ZNF385D: variants seen among roughly 807,000 people sequenced by gnomAD.
The protein encoded by ZNF385D is zinc finger protein 659.
In ZNF385D, 15 loss-of-function variants were observed where a neutral mutation model predicts 35.8. The observed-to-expected ratio is 0.42, with a 90% CI of 0.28 to 0.64. The LOEUF is 0.64. Ranked by LOEUF, ZNF385D falls within the 30% of genes least tolerant of loss-of-function variation. The pLI is 0.23. For synonymous variants in ZNF385D, 212 were observed against 186.8 expected, an observed-to-expected ratio of 1.13 and a Z score of -1.10; for missense variants, 474 against 494.6, an observed-to-expected ratio of 0.96 and a Z score of 0.39.
intron 4 of ZNF385D, among the ~76,000 whole-genome samples, chr3:21,507,416 A>G (rs538421111): frequency 1.3e-5 from 2 of 152,316 alleles, no homozygotes; most frequent in South Asian, 4.1e-4. Flanking sequence ...TTGATAAATT[A>G]CTAAAATGTG....
intron 2 of ZNF385D, among the ~76,000 whole-genome samples, chr3:21,590,100 C>A (rs923568352): frequency 6.6e-6 from 1 of 152,102 alleles, no homozygotes; most frequent in African/African-American, 2.4e-5. Context: ...ATCCAGATAT[C>A]CATCTACAGT....
At chr3:22,092,794 C>A (rs1017992558) in intron 3 of ZNF385D, among the ~76,000 whole-genome samples, 2 of 151,976 alleles carry the variant, frequency 1.3e-5, no homozygotes, top group African/African-American at 2.4e-5. Context: ...GACTGATATA[C>A]CTCTTACAGT....
intron 3 of ZNF385D, among the ~76,000 whole-genome samples, chr3:22,045,626 C>G (rs1315417183): frequency 2.0e-5 from 3 of 152,178 alleles, no homozygotes; most frequent in Non-Finnish European, 4.4e-5. Flanking sequence ...GTGGGTTTTA[C>G]TCTCATTTCT....
chr3:22,326,697 G>A (rs1209852722), intron 2 of ZNF385D, among the ~76,000 whole-genome samples: 2 of 152,134 alleles, frequency 1.3e-5, no homozygotes, highest in Admixed American at 6.5e-5. Flanking sequence ...GAACATTTCT[G>A]TTTTAAAACA....
intron 3 of ZNF385D, among the ~76,000 whole-genome samples, chr3:21,889,599 A>T (rs902684442): frequency 6.6e-6 from 1 of 152,158 alleles, no homozygotes; most frequent in Non-Finnish European, 1.5e-5. Context: ...TTCAGAAAAA[A>T]AACTGGGGAG....
chr3:21,640,892 G>T (rs1333185893), intron 2 of ZNF385D, among the ~76,000 whole-genome samples: 1 of 152,110 alleles, frequency 6.6e-6, no homozygotes, highest in Non-Finnish European at 1.5e-5. Flanking sequence ...AATGTTTTGT[G>T]AATGTATTCT....
At chr3:21,875,632 T>C (rs1697924330) in intron 3 of ZNF385D, among the ~76,000 whole-genome samples, 1 of 152,140 alleles carries the variant, frequency 6.6e-6, no homozygotes, top group Non-Finnish European at 1.5e-5. Flanking sequence ...GAGTCTCATC[T>C]TTCCTTTGCT....
intron 3 of ZNF385D, among the ~76,000 whole-genome samples, chr3:21,943,274 ATGTG>A (rs147366894): frequency 0.015 from 2,318 of 149,892 alleles, 175 homozygotes; most frequent in Admixed American, 0.12. Context: ...CTATATTTGA[ATGTG>A]TGTGTGTGTG....
At chr3:22,045,028 G>T (rs1444429860) in intron 3 of ZNF385D, among the ~76,000 whole-genome samples, 2 of 151,942 alleles carry the variant, frequency 1.3e-5, no homozygotes, top group African/African-American at 4.8e-5. Flanking sequence ...AAACAAAAAT[G>T]CTGTTAATTT....
chr3:21,913,126 G>C (rs1328376140), intron 3 of ZNF385D, among the ~76,000 whole-genome samples: 1 of 152,072 alleles, frequency 6.6e-6, no homozygotes, highest in Non-Finnish European at 1.5e-5. Context: ...GAGATGGAAT[G>C]TTCCTCTAAA....
intron 2 of ZNF385D, among the ~76,000 whole-genome samples, chr3:21,621,436 C>T (rs762161465): frequency 1.4e-4 from 22 of 151,806 alleles, no homozygotes; most frequent in African/African-American, 3.1e-4. Context: ...AAACATAAAG[C>T]GGAGTCATTA....
At chr3:21,869,072 G>T (rs141969541) in intron 3 of ZNF385D, among the ~76,000 whole-genome samples, 1 of 151,972 alleles carries the variant, frequency 6.6e-6, no homozygotes, top group South Asian at 2.1e-4. Context: ...TTACAGCGTC[G>T]GTTTTCCCTT....
intron 3 of ZNF385D, among the ~76,000 whole-genome samples, chr3:21,990,040 A>C (rs1695063122): frequency 6.6e-6 from 1 of 152,198 alleles, no homozygotes; most frequent in Non-Finnish European, 1.5e-5. Flanking sequence ...ATAATTTTTA[A>C]AAGGTACATT....
chr3:21,886,518 C>T (rs941510680), intron 3 of ZNF385D, among the ~76,000 whole-genome samples: 2 of 151,976 alleles, frequency 1.3e-5, no homozygotes, highest in Admixed American at 6.6e-5. Context: ...TGTTCCTTAT[C>T]CTTTCTGAAG....
chr3:21,687,295 T>G (rs899030076), intron 1 of ZNF385D, among the ~76,000 whole-genome samples: 3 of 152,198 alleles, frequency 2.0e-5, no homozygotes, highest in Non-Finnish European at 2.9e-5. Context: ...AAACCCAAAA[T>G]ATATTATGAA....
chr3:22,079,963 C>G (rs1163420496), intron 3 of ZNF385D, among the ~76,000 whole-genome samples: 5 of 151,802 alleles, frequency 3.3e-5, no homozygotes, highest in Admixed American at 2.6e-4. Context: ...GATAGGTATT[C>G]TAAAAGCACC....
chr3:22,049,255 C>T (rs1699197595), intron 3 of ZNF385D, among the ~76,000 whole-genome samples: 1 of 139,920 alleles, frequency 7.1e-6, no homozygotes, highest in South Asian at 2.3e-4. Context: ...GAGACTGTGC[C>T]ACTGCACTCC....
intron 3 of ZNF385D, among the ~76,000 whole-genome samples, chr3:21,895,558 C>A (rs1699093413): frequency 6.9e-6 from 1 of 144,232 alleles, no homozygotes; most frequent in Non-Finnish European, 1.5e-5. Flanking sequence ...CCAGGCTGGT[C>A]TCAAACCCCT....
At chr3:21,621,196 CT>C in intron 2 of ZNF385D, among the ~76,000 whole-genome samples, 1 of 97,374 alleles carries the variant, frequency 1.0e-5, no homozygotes, top group African/African-American at 6.4e-5. Context: ...TATGCATTTG[CT>C]TGCTGTCTAA....
Sources: gnomAD v4.1 joint callset for allele counts (sites outside exome capture counted in the v4.1 genomes callset) on GRCh38, gnomAD v4.1.1 for gene constraint, MANE v1.5 for transcripts, NCBI Gene and HGNC (gene_info 2026-07-23, HGNC 2026-07-21) for gene names.